PTPN4: variants seen among roughly 807,000 people sequenced by gnomAD.
PTPN4 encodes tyrosine-protein phosphatase non-receptor type 4.
A neutral mutation model predicts 135.5 loss-of-function variants in PTPN4; 49 were observed. That is an observed-to-expected ratio of 0.36 (90% CI 0.29 to 0.46). The LOEUF is 0.46. Ranked by LOEUF, PTPN4 falls within the 20% of genes least tolerant of loss-of-function variation. PTPN4 has a pLI of 1.00. For synonymous variants in PTPN4, 333 were observed against 369.9 expected, an observed-to-expected ratio of 0.90 and a Z score of 1.14; for missense variants, 860 against 1,101.0, an observed-to-expected ratio of 0.78 and a Z score of 3.10.
At chr2:119,823,886 C>T (rs1677107432) in intron 2 of PTPN4, among the ~76,000 whole-genome samples, 3 of 152,186 alleles carry the variant, frequency 2.0e-5, no homozygotes, top group Non-Finnish European at 2.9e-5. Flanking sequence ...TAAACTCACT[C>T]TCGAAGAACT....
intron 2 of PTPN4, among the ~76,000 whole-genome samples, chr2:119,861,519 C>T (rs950934071): frequency 5.9e-5 from 9 of 152,152 alleles, no homozygotes; most frequent in Non-Finnish European, 1.2e-4. Flanking sequence ...TTGTTTGCTA[C>T]TTATGTTAAG....
At chr2:119,792,144 G>A (rs1267900756) in intron 1 of PTPN4, among the ~76,000 whole-genome samples, 1 of 152,140 alleles carries the variant, frequency 6.6e-6, no homozygotes, top group Non-Finnish European at 1.5e-5. Context: ...AAATTGAGAT[G>A]TCATTTTTAA....
chr2:119,817,096 C>G (rs1676999153), intron 2 of PTPN4, among the ~76,000 whole-genome samples: 1 of 152,194 alleles, frequency 6.6e-6, no homozygotes, highest in Non-Finnish European at 1.5e-5. Flanking sequence ...GCTTTTGTTG[C>G]AATTGCTTTT....
chr2:119,956,306 T>C (rs533369177), intron 20 of PTPN4, among the ~76,000 whole-genome samples: 1 of 146,522 alleles, frequency 6.8e-6, no homozygotes, highest in Admixed American at 7.0e-5. Context: ...CTCAAATTCC[T>C]ATGTCCAAAC....
chr2:119,765,984 T>C (rs1294376050), intron 1 of PTPN4, among the ~76,000 whole-genome samples: 2 of 151,420 alleles, frequency 1.3e-5, no homozygotes, highest in Non-Finnish European at 2.9e-5. Context: ...CTTGTGAGGG[T>C]CCTTGTGTTT....
chr2:119,922,210 A>G (rs1678746438), intron 12 of PTPN4, among the ~76,000 whole-genome samples: 2 of 141,040 alleles, frequency 1.4e-5, no homozygotes, highest in South Asian at 2.3e-4. Context: ...TTCAAGGACA[A>G]TCTGATTTAA....
At chr2:119,820,131 A>T (rs964708705) in intron 2 of PTPN4, among the ~76,000 whole-genome samples, 1 of 152,208 alleles carries the variant, frequency 6.6e-6, no homozygotes, top group Non-Finnish European at 1.5e-5. Context: ...ACACTGCTGG[A>T]ATTATAGGCA....
At chr2:119,941,280 G>T (rs1027329024) in intron 15 of PTPN4, among the ~76,000 whole-genome samples, 4 of 152,098 alleles carry the variant, frequency 2.6e-5, no homozygotes, top group Admixed American at 2.0e-4. Flanking sequence ...GAAGAAGAAA[G>T]TTATTCATTA....
Position 119,977,254 on chromosome 2 carries a change from C to T in PTPN4, c.*184C>T. 1.0e-6 allele frequency: 1 copy of T among 976,434 alleles called. No individual in the cohort carries two copies. Among genetic ancestry groups the T allele is most frequent in the Non-Finnish European group, 1.4e-6 (1 of 737,798 alleles). 60.5% of individuals were successfully genotyped at this position (976,434 alleles called of 1,614,324 possible). On this transcript the variant is annotated 3_prime_UTR_variant, in exon 27 of 27. Transcript: ENST00000263708. The stretch of plus-strand genomic sequence containing the variant: ...AATGTCACTCTTTCAAAATCTATAA[C>T]TCATGTATTTGAAGACTGTTTCATG...
At position 119,882,164 on chromosome 2, in the gene PTPN4, A is replaced by AT. The variant is rs761232747; in HGVS notation, c.466+20dup. 1.3e-6 allele frequency: 2 copies of AT among 1,592,234 alleles called. No homozygotes were observed. Among genetic ancestry groups the AT allele is most frequent in the South Asian group, 2.2e-5 (2 of 90,586 alleles). On this transcript the variant is annotated intron_variant, in intron 7 of 26. Transcript: ENST00000263708. ...TGCTGTTCAGTGTAAGTATCAGCCCATTTTTAGGTCAAATAGCATATAACT... is the reference window on the plus strand; with the variant it reads ...TGCTGTTCAGTGTAAGTATCAGCCCATTTTTTAGGTCAAATAGCATATAACT...
At chr2:119,823,298 G>A (rs566716731) in intron 2 of PTPN4, among the ~76,000 whole-genome samples, 1 of 149,654 alleles carries the variant, frequency 6.7e-6, no homozygotes, top group East Asian at 2.0e-4. Context: ...GCAGTGGCTC[G>A]ATCTCCGCTC....
chr2:119,937,139 G>A (rs911967877), intron 15 of PTPN4, among the ~76,000 whole-genome samples: 1 of 152,168 alleles, frequency 6.6e-6, no homozygotes, highest in Admixed American at 6.5e-5. Flanking sequence ...TGTAGCATGA[G>A]AATCAGCCAG....
intron 1 of PTPN4, among the ~76,000 whole-genome samples, chr2:119,766,666 C>G (rs1461398020): frequency 6.6e-6 from 1 of 152,116 alleles, no homozygotes; most frequent in Non-Finnish European, 1.5e-5. Context: ...CTCCTGACTT[C>G]TAGATAATGA....
intron 22 of PTPN4, among the ~76,000 whole-genome samples, chr2:119,957,438 T>C (rs1331051628): frequency 1.3e-5 from 2 of 152,068 alleles, no homozygotes; most frequent in Admixed American, 1.3e-4. Flanking sequence ...GGTTGCATGC[T>C]CATTATGAAA....
At chr2:119,893,925 G>C (rs1678280289) in intron 9 of PTPN4, among the ~76,000 whole-genome samples, 2 of 151,964 alleles carry the variant, frequency 1.3e-5, no homozygotes, top group Non-Finnish European at 2.9e-5. Context: ...CAAAAACGGA[G>C]AACAGTAATT....
At chr2:119,777,681 G>T (rs1281908211) in intron 1 of PTPN4, among the ~76,000 whole-genome samples, 1 of 152,140 alleles carries the variant, frequency 6.6e-6, no homozygotes, top group African/African-American at 2.4e-5. Flanking sequence ...TAGAGATAGG[G>T]TCTTGCTCTG....
intron 2 of PTPN4, among the ~76,000 whole-genome samples, chr2:119,841,837 TAAG>T (rs1677386378): frequency 6.6e-6 from 1 of 152,178 alleles, no homozygotes; most frequent in African/African-American, 2.4e-5. Context: ...AAAAGTTGGT[TAAG>T]AAGACATAAG....
intron 10 of PTPN4, among the ~76,000 whole-genome samples, chr2:119,912,648 A>G (rs1384751080): frequency 6.6e-6 from 1 of 152,188 alleles, no homozygotes. Context: ...AAGTATGTTA[A>G]TTATTATCGA....
intron 15 of PTPN4, among the ~76,000 whole-genome samples, chr2:119,943,468 T>C (rs1291491797): frequency 6.6e-6 from 1 of 152,134 alleles, no homozygotes; most frequent in African/African-American, 2.4e-5. Context: ...GTGCTCTACC[T>C]TATCTTCATT....
Sources: allele counts gnomAD v4.1 joint callset (sites outside exome capture counted in the v4.1 genomes callset), GRCh38; gene constraint gnomAD v4.1.1; transcripts MANE v1.5; gene names NCBI Gene and HGNC (gene_info 2026-07-23, HGNC 2026-07-21).